Variants in SRRM4 observed in about 807,000 individuals in gnomAD.
The protein encoded by SRRM4 is serine/arginine repetitive matrix protein 4.
Under a neutral mutation model 68.9 loss-of-function variants are expected in SRRM4, and 33 were observed. The observed-to-expected ratio is 0.48, with a 90% confidence interval of 0.36 to 0.64. SRRM4 has a LOEUF of 0.64. Ranked by LOEUF, SRRM4 falls within the 30% of genes least tolerant of loss-of-function variation. The pLI is 0.00. For missense variants in SRRM4, 817 were observed against 827.1 expected, an observed-to-expected ratio of 0.99 and a Z score of 0.15; for synonymous variants, 318 against 318.8, an observed-to-expected ratio of 1.00 and a Z score of 0.03.
At chr12:119,130,574 C>T in intron 7 of SRRM4, 104 bp from the exon 8 acceptor site, 1 of 1,156,198 alleles carries the variant, frequency 8.6e-7, no homozygotes. Flanking sequence ...TATACAAACA[C>T]CCCCAAACAC....
intron 1 of SRRM4, among the ~76,000 whole-genome samples, chr12:119,072,045 C>A (rs918804017): frequency 6.6e-6 from 1 of 152,092 alleles, no homozygotes; most frequent in African/African-American, 2.4e-5. Context: ...ACGCTGTCAG[C>A]TTCTCCAAGG....
chr12:119,093,148 CT>C (rs1041860613), intron 1 of SRRM4, among the ~76,000 whole-genome samples: 5 of 151,578 alleles, frequency 3.3e-5, no homozygotes, highest in African/African-American at 4.8e-5. Context: ...CATCTCCCCC[CT>C]AGCACTTATT....
chr12:118,986,085 T>C (rs977678085), intron 1 of SRRM4, among the ~76,000 whole-genome samples: 1 of 152,178 alleles, frequency 6.6e-6, no homozygotes, highest in Non-Finnish European at 1.5e-5. Flanking sequence ...GAGATTTTAC[T>C]GCATAAAGGG....
Position 118,982,000 on chromosome 12 carries a change from A to G in SRRM4, c.118A>G (p.Lys40Glu), listed in dbSNP as rs1405008100. 3.1e-6 allele frequency: 5 copies of G among 1,610,122 alleles called. No homozygotes were observed. The East Asian group carries it at 8.9e-5, about 29-fold the overall frequency. Reference sequence around the variant, plus strand: ...CATTGTCGCCAGTATCACGGCCCGCAAGCCGCTGCCAAGGTAATGATCTCC... The same window carrying G: ...CATTGTCGCCAGTATCACGGCCCGCGAGCCGCTGCCAAGGTAATGATCTCC... ...SIIVASITAR[K>E]PLPRTEPQNN... is the part of the protein sequence containing the mutation. Residue 40 changes from lysine (K) to glutamate (E), a missense_variant, in exon 1 of 13, where the codon AAG becomes GAG. Physicochemically the swap from Lys to Glu is moderately conservative, Grantham distance 56. Coordinates refer to ENST00000267260, the MANE Select transcript of SRRM4 (RefSeq NM_194286.4).
intron 1 of SRRM4, among the ~76,000 whole-genome samples, chr12:119,003,025 G>T (rs1487223911): frequency 6.6e-6 from 1 of 151,710 alleles, no homozygotes; most frequent in Admixed American, 6.6e-5. Context: ...AGCTCAGAGG[G>T]GTGACAACAC....
At chr12:119,014,870 C>A (rs1023478403) in intron 1 of SRRM4, among the ~76,000 whole-genome samples, 4 of 152,164 alleles carry the variant, frequency 2.6e-5, no homozygotes, top group Admixed American at 6.5e-5. Context: ...CAACTACACC[C>A]CTTCTAGCTT....
intron 1 of SRRM4, among the ~76,000 whole-genome samples, chr12:118,982,683 T>TATTTTTTTATTTTTA (rs1555212622): frequency 2.2e-5 from 3 of 135,220 alleles, no homozygotes; most frequent in Admixed American, 7.3e-5. Context: ...TTTTTTGTTT[T>TATTTTTTTATTTTTA]TTTTTTTTTT....
intron 1 of SRRM4, among the ~76,000 whole-genome samples, chr12:118,990,681 C>G (rs1276331586): frequency 6.6e-6 from 1 of 152,252 alleles, no homozygotes; most frequent in Admixed American, 6.5e-5. Flanking sequence ...TGCAGCAATA[C>G]TGCTTTCCTC....
chr12:119,128,946 C>A (rs73213779), intron 7 of SRRM4, among the ~76,000 whole-genome samples: 7 of 152,280 alleles, frequency 4.6e-5, no homozygotes, highest in Non-Finnish European at 7.4e-5. Flanking sequence ...AGCTTCCTAG[C>A]AGAAATGGAA....
Position 119,096,313 on chromosome 12 carries a change from G to A in SRRM4, c.132-5923G>A, listed in dbSNP as rs185468169. Among the ~76,000 whole-genome samples, 904 of 151,866 alleles carry A rather than the reference G, an allele frequency of 6.0e-3. 7 individuals carry two copies. Among genetic ancestry groups the A allele is most frequent in the African/African-American group, 0.021 (866 of 41,426 alleles). On this transcript the variant is annotated intron_variant, in intron 1 of 12. Transcript: ENST00000267260. ...CTCCCAAAATGCTGGGATTACAGGT[G>A]TGAGCCACCACGCCCGGCCTCTCAG...
In SRRM4 at chr12:119,032,552, A is replaced by G. The variant is rs556836006; in HGVS notation, c.131+50539A>G. Among the ~76,000 whole-genome samples, 352 of 152,244 alleles carry G rather than the reference A, an allele frequency of 2.3e-3. 3 individuals carry two copies. Among genetic ancestry groups the G allele is most frequent in the African/African-American group, 8.0e-3 (333 of 41,554 alleles). On this transcript the variant is annotated intron_variant, in intron 1 of 12. Coordinates refer to ENST00000267260, the MANE Select transcript of SRRM4 (RefSeq NM_194286.4). Reference sequence around the variant, plus strand: ...TGGTTGTGGCCCATTTCTCTCTTTAAAAACTTCTGTTTTCCATTTGGTAAT... The same window carrying G: ...TGGTTGTGGCCCATTTCTCTCTTTAGAAACTTCTGTTTTCCATTTGGTAAT...
chr12:119,120,296 A>C lies in SRRM4; in HGVS notation c.464+20A>C. 6.5e-7 allele frequency: 1 copy of C among 1,549,048 alleles called. No individual in the cohort carries two copies. The highest frequency in any genetic ancestry group is 8.7e-7 in the Non-Finnish European group (1 of 1,146,314). On this transcript the variant is annotated intron_variant, in intron 5 of 12. Coordinates refer to ENST00000267260, the MANE Select transcript of SRRM4 (RefSeq NM_194286.4). ...GCACAGGTAAGACTCTTGTTCTCTG[A>C]CTGCCTGTTCAATTTTCTGCTTTCT...
chr12:119,015,031 T>C (rs1461339313), intron 1 of SRRM4, among the ~76,000 whole-genome samples: 5 of 152,176 alleles, frequency 3.3e-5, no homozygotes, highest in Non-Finnish European at 7.3e-5. Context: ...AAATACTCGA[T>C]TGTGATCTGC....
intron 1 of SRRM4, among the ~76,000 whole-genome samples, chr12:119,012,370 T>G (rs975206537): frequency 6.6e-6 from 1 of 152,188 alleles, no homozygotes; most frequent in Non-Finnish European, 1.5e-5. Context: ...CCATGATATA[T>G]CTCCCGAGAG....
In SRRM4 at chr12:119,145,430, C is replaced by T. The variant is rs377333031; in HGVS notation, c.821C>T (p.Pro274Leu). 9.3e-6 allele frequency: 15 copies of T among 1,606,702 alleles called. No individual in the cohort carries two copies. Among genetic ancestry groups the T allele is most frequent in the African/African-American group, 6.7e-5 (5 of 74,854 alleles). ...GACCTCTTTACCAAAACAGCCAGCC[C>T]GCTCACCACCTCGCGAGGACGTTCC... Reference protein sequence around the residue: ...AADLFTKTASPLTTSRGRSQE... With the variant: ...AADLFTKTASLLTTSRGRSQE... The change falls in exon 9 of 13, where the codon CCG (proline) becomes CTG (leucine). Residue 274 changes from proline (P) to leucine (L), a missense_variant. By Grantham distance (98) the Pro-to-Leu change is moderately conservative. Transcript: ENST00000267260.
chr12:119,140,596 C>A (rs978560866), intron 8 of SRRM4, among the ~76,000 whole-genome samples: 3 of 152,252 alleles, frequency 2.0e-5, no homozygotes, highest in Non-Finnish European at 2.9e-5. Context: ...AGGCTGGCAG[C>A]CTTGCTGCAT....
intron 1 of SRRM4, among the ~76,000 whole-genome samples, chr12:118,995,607 T>G (rs1433080614): frequency 1.3e-5 from 2 of 152,206 alleles, no homozygotes; most frequent in Admixed American, 6.5e-5. Context: ...GGAAACAAGT[T>G]TCCCTAGGAA....
intron 7 of SRRM4, among the ~76,000 whole-genome samples, chr12:119,127,851 T>C (rs907751213): frequency 6.6e-6 from 1 of 152,182 alleles, no homozygotes; most frequent in African/African-American, 2.4e-5. Flanking sequence ...TGTCAGACAC[T>C]GTGCTAAGAT....
At chr12:119,153,377 G>A (rs1466097907) in intron 10 of SRRM4, among the ~76,000 whole-genome samples, 162 bp from the exon 11 acceptor site, 1 of 151,942 alleles carries the variant, frequency 6.6e-6, no homozygotes, top group African/African-American at 2.4e-5. Context: ...AACCACCGGT[G>A]GGGAGGGGCT....
Sources: allele counts gnomAD v4.1 joint callset (sites outside exome capture counted in the v4.1 genomes callset), GRCh38; gene constraint gnomAD v4.1.1; transcripts MANE v1.5; gene names NCBI Gene and HGNC (gene_info 2026-07-23, HGNC 2026-07-21).